The following CAMTA1 variants were observed in gnomAD, a reference collection of about 807,000 sequenced individuals.
The protein encoded by CAMTA1 is calmodulin binding transcription activator 1, also known as calmodulin-binding transcription activator 1.
In CAMTA1, 27 loss-of-function variants were observed where a neutral mutation model predicts 170.9. That is an observed-to-expected ratio of 0.16 (90% CI 0.12 to 0.22). CAMTA1 has a LOEUF of 0.22. Among genes scored for constraint, CAMTA1 ranks in the 10% least tolerant of loss-of-function variants. The pLI, the probability that CAMTA1 is intolerant of heterozygous loss-of-function variation, is 1.00. For synonymous variants in CAMTA1, 833 were observed against 891.5 expected, an observed-to-expected ratio of 0.93 and a Z score of 1.17; for missense variants, 1,619 against 2,217.2, an observed-to-expected ratio of 0.73 and a Z score of 5.42.
chr1:7,270,285 A>T (rs1342553858), intron 5 of CAMTA1, among the ~76,000 whole-genome samples: 2 of 115,098 alleles, frequency 1.7e-5, no homozygotes, highest in African/African-American at 8.3e-5. Context: ...ATATATATAT[A>T]TATATATTTT....
intron 3 of CAMTA1, among the ~76,000 whole-genome samples, chr1:6,907,445 GCAGCTTGACTCAAGAACACTTCCC>G (rs1282971096): frequency 6.6e-6 from 1 of 152,182 alleles, no homozygotes; most frequent in Non-Finnish European, 1.5e-5. Context: ...GTGGGTTGCT[GCAGCTTGACTCAAGAACACTTCCC>G]CAGCAGGGCA....
At chr1:7,380,510 G>A (rs1479808340) in intron 5 of CAMTA1, among the ~76,000 whole-genome samples, 1 of 152,210 alleles carries the variant, frequency 6.6e-6, no homozygotes, top group Non-Finnish European at 1.5e-5. Flanking sequence ...GGACATGGCG[G>A]TTGCAGTGAG....
At chr1:7,360,434 C>T (rs1442562502) in intron 5 of CAMTA1, among the ~76,000 whole-genome samples, 1 of 152,150 alleles carries the variant, frequency 6.6e-6, no homozygotes, top group Non-Finnish European at 1.5e-5. Flanking sequence ...GTGAATCAGG[C>T]TCAAATCTCA....
chr1:7,171,015 A>G (rs1649486362), intron 4 of CAMTA1, among the ~76,000 whole-genome samples: 1 of 152,112 alleles, frequency 6.6e-6, no homozygotes, highest in African/African-American at 2.4e-5. Context: ...TCCTGATTTT[A>G]GTTTCAGTTT....
intron 3 of CAMTA1, among the ~76,000 whole-genome samples, chr1:7,052,602 G>C (rs1431198582): frequency 6.6e-6 from 1 of 152,080 alleles, no homozygotes; most frequent in Non-Finnish European, 1.5e-5. Flanking sequence ...TCTGCATCGG[G>C]CCCCTTTCCC....
intron 6 of CAMTA1, among the ~76,000 whole-genome samples, chr1:7,498,168 G>A (rs1417526016): frequency 7.3e-6 from 1 of 137,242 alleles, no homozygotes; most frequent in Non-Finnish European, 1.6e-5. Context: ...GTGAGTGTGT[G>A]TGCATGTGTG....
At chr1:6,884,324 AC>A (rs1557761957) in intron 3 of CAMTA1, among the ~76,000 whole-genome samples, 13 of 149,866 alleles carry the variant, frequency 8.7e-5, no homozygotes, top group South Asian at 4.3e-4. Context: ...ACACACACAC[AC>A]ACACACACAC....
At chr1:6,820,146 A>G (rs765531713) in intron 1 of CAMTA1, 35 bp from the exon 2 acceptor site, 2 of 1,236,364 alleles carry the variant, frequency 1.6e-6, no homozygotes, top group East Asian at 4.6e-5. Flanking sequence ...TCTTTTTGAA[A>G]GATTAGTTTT....
At chr1:7,730,943 T>C (rs2149902005) in intron 11 of CAMTA1, among the ~76,000 whole-genome samples, 1 of 150,850 alleles carries the variant, frequency 6.6e-6, no homozygotes, top group South Asian at 2.1e-4. Flanking sequence ...TATATATATA[T>C]ATATTTAACA....
intron 11 of CAMTA1, among the ~76,000 whole-genome samples, chr1:7,709,734 C>T (rs2096554782): frequency 6.6e-6 from 1 of 152,194 alleles, no homozygotes. Flanking sequence ...TCAGCTCTAC[C>T]ATTCACTCAG....
chr1:7,484,300 C>T (rs1314401509), intron 6 of CAMTA1, among the ~76,000 whole-genome samples: 2 of 152,168 alleles, frequency 1.3e-5, no homozygotes, highest in Non-Finnish European at 2.9e-5. Context: ...CCCCAGGAGG[C>T]CTGGAAAGGG....
At chr1:7,514,047 C>T (rs1374530187) in intron 6 of CAMTA1, among the ~76,000 whole-genome samples, 1 of 152,222 alleles carries the variant, frequency 6.6e-6, no homozygotes, top group Non-Finnish European at 1.5e-5. Context: ...CAGCAATGAG[C>T]CTTTTTCAAG....
chr1:6,928,232 A>AT (rs1683706719), intron 3 of CAMTA1, among the ~76,000 whole-genome samples: 1 of 152,328 alleles, frequency 6.6e-6, no homozygotes, highest in East Asian at 1.9e-4. Flanking sequence ...GCTAACAGAA[A>AT]TCAGTCTTGC....
chr1:7,272,477 A>G (rs1669940605), intron 5 of CAMTA1, among the ~76,000 whole-genome samples: 2 of 152,084 alleles, frequency 1.3e-5, no homozygotes, highest in South Asian at 4.1e-4. Flanking sequence ...AGAACTAAAA[A>G]TTCTCAATTT....
intron 3 of CAMTA1, among the ~76,000 whole-genome samples, chr1:6,891,000 C>T (rs1674394414): frequency 6.6e-6 from 1 of 152,164 alleles, no homozygotes; most frequent in African/African-American, 2.4e-5. Context: ...GTCACAGATT[C>T]TAAGCTGTCT....
intron 4 of CAMTA1, among the ~76,000 whole-genome samples, chr1:7,101,935 C>T (rs1016989630): frequency 6.6e-6 from 1 of 152,052 alleles, no homozygotes; most frequent in Admixed American, 6.6e-5. Context: ...AACACACATG[C>T]ACAAGCAAAT....
chr1:7,661,628 G>T, intron 7 of CAMTA1, 98 bp from the exon 8 acceptor site: 1 of 1,363,910 alleles, frequency 7.3e-7, no homozygotes, highest in Non-Finnish European at 1.0e-6. Flanking sequence ...CAGTGAGAGG[G>T]CTGCCCTCAG....
chr1:6,967,824 CA>C (rs757742843), intron 3 of CAMTA1, among the ~76,000 whole-genome samples: 8 of 152,102 alleles, frequency 5.3e-5, no homozygotes, highest in Non-Finnish European at 8.8e-5. Context: ...AATCTTAGGG[CA>C]GGGGGTGAAG....
chr1:7,187,276 A>G (rs977811219), intron 4 of CAMTA1, among the ~76,000 whole-genome samples: 2 of 152,152 alleles, frequency 1.3e-5, no homozygotes, highest in African/African-American at 4.8e-5. Flanking sequence ...CTATGGCAAG[A>G]TATGGGAAAT....
Sources: allele counts gnomAD v4.1 joint callset (sites outside exome capture counted in the v4.1 genomes callset), GRCh38; gene constraint gnomAD v4.1.1; transcripts MANE v1.5; gene names NCBI Gene and HGNC (gene_info 2026-07-23, HGNC 2026-07-21).